The following ADGRL2 variants were observed in gnomAD, a reference collection of about 807,000 sequenced individuals.
ADGRL2 encodes adhesion G protein-coupled receptor L2, also known as calcium-independent alpha-latrotoxin receptor 2.
ADGRL2 carries 44 observed loss-of-function variants against 157.4 expected under a neutral mutation model. That is an observed-to-expected ratio of 0.28 (90% CI 0.22 to 0.36). The LOEUF is 0.36. Ranked by LOEUF, ADGRL2 falls within the 10% of genes least tolerant of loss-of-function variation. The pLI, the probability that ADGRL2 is intolerant of heterozygous loss-of-function variation, is 1.00. For synonymous variants in ADGRL2, 585 were observed against 624.7 expected (o/e 0.94, Z 0.95); for missense variants, 1,510 against 1,768.9 (o/e 0.85, Z 2.63).
intron 1 of ADGRL2, among the ~76,000 whole-genome samples, chr1:81,832,502 A>G (rs912400136): frequency 6.6e-6 from 1 of 152,204 alleles, no homozygotes; most frequent in Non-Finnish European, 1.5e-5. Flanking sequence ...TACAAGTACC[A>G]TGACTAGAAA....
At chr1:81,974,567 T>G (rs916264008) in intron 17 of ADGRL2, among the ~76,000 whole-genome samples, 1 of 152,054 alleles carries the variant, frequency 6.6e-6, no homozygotes, top group Non-Finnish European at 1.5e-5. Context: ...TAGCAAAAGC[T>G]CCAGGGAGGA....
intron 2 of ADGRL2, among the ~76,000 whole-genome samples, chr1:81,521,291 TTTTC>T (rs2079308656): frequency 6.6e-6 from 1 of 152,162 alleles, no homozygotes; most frequent in Non-Finnish European, 1.5e-5. Flanking sequence ...TGTTATATTA[TTTTC>T]CATCCTTTAA....
chr1:81,903,946 T>C (rs1478099188), intron 2 of ADGRL2, among the ~76,000 whole-genome samples: 1 of 151,398 alleles, frequency 6.6e-6, no homozygotes, highest in Non-Finnish European at 1.5e-5. Context: ...AATAATAAAT[T>C]GACAATTTAA....
intron 1 of ADGRL2, among the ~76,000 whole-genome samples, chr1:81,753,875 T>A (rs2085572199): frequency 6.6e-6 from 1 of 152,182 alleles, no homozygotes; most frequent in African/African-American, 2.4e-5. Context: ...TGAATGTCTT[T>A]CCCTAAAGGC....
intron 1 of ADGRL2, among the ~76,000 whole-genome samples, chr1:81,746,941 C>T (rs2085275231): frequency 6.8e-6 from 1 of 147,178 alleles, no homozygotes; most frequent in Non-Finnish European, 1.5e-5. Flanking sequence ...CACACGTATA[C>T]ACATGTATGT....
intron 2 of ADGRL2, among the ~76,000 whole-genome samples, chr1:81,530,736 T>C (rs1570405218): frequency 6.6e-6 from 1 of 152,236 alleles, no homozygotes; most frequent in East Asian, 1.9e-4. Flanking sequence ...ACGAGCAGTG[T>C]AGTATTTTTA....
chr1:81,467,923 G>A (rs1469091130), intron 2 of ADGRL2, among the ~76,000 whole-genome samples: 5 of 152,134 alleles, frequency 3.3e-5, no homozygotes, highest in Admixed American at 3.3e-4. Flanking sequence ...ATTGAAATTA[G>A]TCAAAAATAA....
intron 2 of ADGRL2, among the ~76,000 whole-genome samples, chr1:81,492,259 AAAG>A (rs1380394718): frequency 6.6e-6 from 1 of 152,204 alleles, no homozygotes; most frequent in Admixed American, 6.5e-5. Flanking sequence ...AATTAATGAA[AAAG>A]AAGAAGAAAA....
At chr1:81,560,342 C>A (rs1221138235) in intron 2 of ADGRL2, among the ~76,000 whole-genome samples, 1 of 152,172 alleles carries the variant, frequency 6.6e-6, no homozygotes, top group African/African-American at 2.4e-5. Flanking sequence ...TTCTCTGCTT[C>A]ATTCTCCTCA....
intron 1 of ADGRL2, among the ~76,000 whole-genome samples, chr1:81,399,824 T>TA (rs1413082723): frequency 4.6e-5 from 7 of 152,172 alleles, no homozygotes; most frequent in Non-Finnish European, 1.0e-4. Context: ...TTATTATATA[T>TA]TTTTGGTGGT....
chr1:81,753,384 C>A (rs564152119), intron 1 of ADGRL2, among the ~76,000 whole-genome samples: 1 of 152,220 alleles, frequency 6.6e-6, no homozygotes, highest in South Asian at 2.1e-4. Flanking sequence ...AATACCCGCC[C>A]CCATGATTCA....
intron 3 of ADGRL2, among the ~76,000 whole-genome samples, chr1:81,915,028 G>A (rs2094822429): frequency 6.6e-6 from 1 of 152,130 alleles, no homozygotes; most frequent in African/African-American, 2.4e-5. Context: ...TATCTTTTAT[G>A]ACCCTGCTTA....
rs538000502 is a variant in ADGRL2 at position 81,544,689 on chromosome 1, A to G, written c.-247-36187A>G. Among the ~76,000 whole-genome samples, 245 of 152,198 alleles carry G rather than the reference A, an allele frequency of 1.6e-3. 1 individual carries two copies. The highest frequency in any genetic ancestry group is 2.8e-3 in the Non-Finnish European group (193 of 68,034). ...TGCTAGGAAGGGCACACATAGAGAG[A>G]CAACTGCCAGTAATCCTACAGGGGA... is the stretch of plus-strand genomic sequence containing the variant. On this transcript the variant is annotated intron_variant, in intron 2 of 24. Coordinates refer to the ADGRL2 transcript ENST00000370721.
intron 1 of ADGRL2, among the ~76,000 whole-genome samples, chr1:81,395,497 T>C (rs942190442): frequency 6.6e-6 from 1 of 152,202 alleles, no homozygotes; most frequent in African/African-American, 2.4e-5. Context: ...CTGCTAGTTG[T>C]CTCTTCACTT....
intron 3 of ADGRL2, among the ~76,000 whole-genome samples, chr1:81,673,907 G>A (rs2082930345): frequency 6.6e-6 from 1 of 152,124 alleles, no homozygotes; most frequent in Non-Finnish European, 1.5e-5. Flanking sequence ...TCATTATAAT[G>A]TCAGTAACTA....
rs113961029 is a variant in ADGRL2, at chr1:81,671,866, A to G, written c.-142-89945A>G. Among the ~76,000 whole-genome samples, 549 of 152,308 alleles carry G rather than the reference A, an allele frequency of 3.6e-3. 5 individuals are homozygous for G. The highest frequency in any genetic ancestry group is 0.012 in the African/African-American group (514 of 41,572). The stretch of plus-strand genomic sequence containing the variant: ...CAGGTGATGCTGGTCTGTAGACCAC[A>G]CTTTGAATAGCAAAGCCTATGTGAA... On this transcript the variant is annotated intron_variant, in intron 3 of 24. Transcript: ENST00000370721.
chr1:81,707,705 C>A (rs1348624046), intron 1 of ADGRL2, among the ~76,000 whole-genome samples: 1 of 152,014 alleles, frequency 6.6e-6, no homozygotes, highest in African/African-American at 2.4e-5. Context: ...CTCGGTTCTA[C>A]CCAAACCAAT....
intron 1 of ADGRL2, among the ~76,000 whole-genome samples, chr1:81,801,913 T>A (rs1197327551): frequency 6.6e-6 from 1 of 151,990 alleles, no homozygotes; most frequent in Non-Finnish European, 1.5e-5. Context: ...TGGGGGTGTG[T>A]GCGTGTGTGT....
At chr1:81,892,349 G>T (rs934800964) in intron 2 of ADGRL2, among the ~76,000 whole-genome samples, 1 of 151,936 alleles carries the variant, frequency 6.6e-6, no homozygotes, top group South Asian at 2.1e-4. Context: ...TAATATCTTA[G>T]GGGGAAGTAA....
Sources: allele counts gnomAD v4.1 joint callset (sites outside exome capture counted in the v4.1 genomes callset), GRCh38; gene constraint gnomAD v4.1.1; transcripts MANE v1.5; gene names NCBI Gene and HGNC (gene_info 2026-07-23, HGNC 2026-07-21).